ADA: variants seen among roughly 807,000 people sequenced by gnomAD.
ADA encodes the protein adenosine deaminase.
Under a neutral mutation model 49.0 loss-of-function variants are expected in ADA, and 45 were observed. The observed-to-expected ratio is 0.92, with a 90% CI of 0.72 to 1.18. The LOEUF (loss-of-function observed/expected upper bound fraction) is 1.18. ADA is among the 50% of genes most tolerant of loss of function. The pLI, the probability that ADA is intolerant of heterozygous loss-of-function variation, is 0.00. For missense variants in ADA, 445 were observed against 472.5 expected (o/e 0.94, Z 0.54); for synonymous variants, 173 against 184.2 (o/e 0.94, Z 0.49).
chr20:44,640,735 T>C (rs2065524817), intron 1 of ADA, among the ~76,000 whole-genome samples: 1 of 151,660 alleles, frequency 6.6e-6, no homozygotes, highest in African/African-American at 2.4e-5. Context: ...GAAGAGTTTA[T>C]CCTGGATTAT....
chr20:44,636,980 A>G (rs1324539405), intron 1 of ADA, among the ~76,000 whole-genome samples: 3 of 151,906 alleles, frequency 2.0e-5, no homozygotes, highest in Admixed American at 1.3e-4. Flanking sequence ...TAATTTTTGT[A>G]TTTTTAGTAG....
At chr20:44,647,914 C>T (rs1002880528) in intron 1 of ADA, among the ~76,000 whole-genome samples, 2 of 152,068 alleles carry the variant, frequency 1.3e-5, no homozygotes, top group Admixed American at 6.5e-5. Flanking sequence ...GAGACTGCGG[C>T]ACACGCCTGT....
intron 1 of ADA, among the ~76,000 whole-genome samples, chr20:44,639,627 G>C (rs969117127): frequency 2.0e-5 from 3 of 152,066 alleles, no homozygotes; most frequent in African/African-American, 7.2e-5. Context: ...TGGCCAGGCT[G>C]GTCTTGAACT....
chr20:44,645,922 C>T (rs1430409526), intron 1 of ADA, among the ~76,000 whole-genome samples: 1 of 152,124 alleles, frequency 6.6e-6, no homozygotes. Flanking sequence ...AGGTTATCCC[C>T]CACAACTGCT....
chr20:44,641,685 G>A (rs1469981414), intron 1 of ADA, among the ~76,000 whole-genome samples: 1 of 152,058 alleles, frequency 6.6e-6, no homozygotes, highest in East Asian at 1.9e-4. Flanking sequence ...CGGTAGTCAC[G>A]TCCGCTTGTG....
At chr20:44,620,879 A>C in intron 10 of ADA, 139 bp downstream of exon 10, 1 of 1,164,634 alleles carries the variant, frequency 8.6e-7, no homozygotes, top group Non-Finnish European at 1.3e-6. Context: ...TCTCTGTGGA[A>C]AGTGTCTAGG....
chr20:44,632,338 T>A (rs1234967031), intron 2 of ADA, among the ~76,000 whole-genome samples: 2 of 152,058 alleles, frequency 1.3e-5, no homozygotes, highest in Non-Finnish European at 2.9e-5. Flanking sequence ...GGACTGGGGC[T>A]TTGGCTGAAA....
chr20:44,634,444 G>A (rs2065461394), intron 2 of ADA, among the ~76,000 whole-genome samples: 1 of 152,248 alleles, frequency 6.6e-6, no homozygotes, highest in Admixed American at 6.5e-5. Flanking sequence ...CAGGGCCATG[G>A]ACTCGGGGGC....
chr20:44,619,743 G>T lies in ADA; in HGVS notation c.*91C>A. ...TCAGTAACTGACTATTGAGATCATG[G>T]TCTTCTTGGAAGGAATAAATGTAAA... On this transcript the variant is annotated 3_prime_UTR_variant, in exon 12 of 12. Coordinates refer to ENST00000372874, the MANE Select transcript of ADA (RefSeq NM_000022.4). The T allele has an allele frequency of 6.5e-7, 1 of 1,527,850 alleles. No individual in the cohort carries two copies. Among genetic ancestry groups the T allele is most frequent in the Non-Finnish European group, 9.1e-7 (1 of 1,102,084 alleles). 94.6% of individuals were successfully genotyped at this position (1,527,850 alleles called of 1,614,324 possible).
chr20:44,645,726 G>T (rs1669811362), intron 1 of ADA, among the ~76,000 whole-genome samples: 2 of 152,320 alleles, frequency 1.3e-5, no homozygotes, highest in South Asian at 4.1e-4. Flanking sequence ...GTGTTTGAGA[G>T]GTGGGTATGG....
chr20:44,623,915 T>G (rs920677813), intron 6 of ADA: 11 of 443,392 alleles, frequency 2.5e-5, no homozygotes, highest in African/African-American at 2.2e-4. Flanking sequence ...GCCTGACTAC[T>G]TTTTTTTGTA....
At chr20:44,633,522 G>A (rs529908973) in intron 2 of ADA, among the ~76,000 whole-genome samples, 42 of 152,316 alleles carry the variant, frequency 2.8e-4, no homozygotes, top group African/African-American at 1.0e-3. Flanking sequence ...TGAGTGAGAT[G>A]GGGAAGCTGG....
intron 3 of ADA, among the ~76,000 whole-genome samples, chr20:44,626,894 T>A (rs1359209683): frequency 6.6e-6 from 1 of 152,068 alleles, no homozygotes; most frequent in Non-Finnish European, 1.5e-5. Flanking sequence ...GTTGGGGCAA[T>A]CTTTTAAGAA....
chr20:44,621,082 A>C lies in ADA; in HGVS notation c.911T>G (p.Leu304Arg), dbSNP rs199422327. ...TTTGGTCATCTGGTAATCAGTGTCC[A>C]GGGTGGACTTGAAGATGAGCGGGTC... ...TDDPLIFKST[L>R]DTDYQMTKRD... The change falls in exon 10 of 12, where the codon CTG (leucine) becomes CGG (arginine). Residue 304 changes from leucine to arginine, a missense_variant. Leu to Arg is a moderately radical substitution (Grantham distance 102). Transcript: ENST00000372874. The C allele has an allele frequency of 2.1e-5, 34 of 1,614,104 alleles. No individual in the cohort carries two copies. Among genetic ancestry groups the C allele is most frequent in the African/African-American group, 4.0e-5 (3 of 74,932 alleles).
chr20:44,645,439 T>A (rs527533846), intron 1 of ADA, among the ~76,000 whole-genome samples: 1 of 149,686 alleles, frequency 6.7e-6, no homozygotes, highest in African/African-American at 2.5e-5. Flanking sequence ...ATGGCCAACA[T>A]GGTGAAACCC....
At position 44,625,650 on chromosome 20, in the gene ADA, C is replaced by G; in HGVS notation, c.397G>C (p.Val133Leu). ...TCCCCCTCCTGCAGGCCCTGGCCCA[C>G]TAGGGCCACCACCTCGTCTGGGGTG... ...DLTPDEVVALVGQGLQEGERD... is the reference protein window; with the variant it reads ...DLTPDEVVALLGQGLQEGERD... Residue 133 changes from valine to leucine, a missense_variant, in exon 5 of 12, where the codon GTG (valine) becomes CTG (leucine). Physicochemically the swap from Val to Leu is conservative, Grantham distance 32 (BLOSUM62 1). Transcript: ENST00000372874. 1 of 1,574,380 alleles carries G rather than the reference C, an allele frequency of 6.4e-7. No individual in the cohort carries two copies. Among genetic ancestry groups the G allele is most frequent in the South Asian group, 1.2e-5 (1 of 85,876 alleles).
chr20:44,640,772 T>C (rs2065525374), intron 1 of ADA, among the ~76,000 whole-genome samples: 1 of 151,610 alleles, frequency 6.6e-6, no homozygotes, highest in Non-Finnish European at 1.5e-5. Context: ...TGCAATCACA[T>C]GTATCCTTAT....
chr20:44,643,879 C>T (rs976430608), intron 1 of ADA, among the ~76,000 whole-genome samples: 1 of 152,062 alleles, frequency 6.6e-6, no homozygotes, highest in Non-Finnish European at 1.5e-5. Context: ...CCGTGGAGGC[C>T]CTCGGGAAAT....
chr20:44,625,064 C>G (rs1184032856), intron 5 of ADA, among the ~76,000 whole-genome samples: 1 of 152,240 alleles, frequency 6.6e-6, no homozygotes, highest in Non-Finnish European at 1.5e-5. Context: ...TGACAGTGCA[C>G]AACTGAGGTG....
Sources: gnomAD v4.1 joint callset for allele counts (sites outside exome capture counted in the v4.1 genomes callset) on GRCh38, gnomAD v4.1.1 for gene constraint, MANE v1.5 for transcripts, NCBI Gene and HGNC (gene_info 2026-07-23, HGNC 2026-07-21) for gene names.